MDGA2: variants seen among roughly 807,000 people sequenced by gnomAD.
MDGA2 encodes the protein MAM domain containing glycosylphosphatidylinositol anchor 2.
In MDGA2, 40 loss-of-function variants were observed where a neutral mutation model predicts 117.8. The observed-to-expected ratio is 0.34, with a 90% CI of 0.26 to 0.44. MDGA2 has a LOEUF of 0.44. MDGA2 is among the 20% of genes least tolerant of loss of function. The pLI is 1.00. For missense variants in MDGA2, 1,123 were observed against 1,250.6 expected, an observed-to-expected ratio of 0.90 and a Z score of 1.54; for synonymous variants, 452 against 439.0, an observed-to-expected ratio of 1.03 and a Z score of -0.37.
At chr14:47,465,681 C>G (rs1407680190) in intron 1 of MDGA2, among the ~76,000 whole-genome samples, 1 of 152,074 alleles carries the variant, frequency 6.6e-6, no homozygotes, top group African/African-American at 2.4e-5. Flanking sequence ...CAAAAAATAA[C>G]AGACGCTGGC....
At chr14:46,909,287 C>T (rs1226603426) in intron 10 of MDGA2, among the ~76,000 whole-genome samples, 1 of 152,030 alleles carries the variant, frequency 6.6e-6, no homozygotes, top group Non-Finnish European at 1.5e-5. Flanking sequence ...TATATTCAAT[C>T]AAATATTGCT....
chr14:47,620,735 A>G (rs1164634), intron 1 of MDGA2, among the ~76,000 whole-genome samples: 151,563 of 152,296 alleles, frequency 1, 75,422 homozygotes, highest in East Asian at 1. Flanking sequence ...AGGGAAGAAG[A>G]GAGAAATTGA....
chr14:47,522,912 G>GC (rs772356336), intron 1 of MDGA2, among the ~76,000 whole-genome samples: 1 of 152,144 alleles, frequency 6.6e-6, no homozygotes, highest in Non-Finnish European at 1.5e-5. Flanking sequence ...GAAATAATGT[G>GC]TCACGAATTG....
intron 1 of MDGA2, among the ~76,000 whole-genome samples, chr14:47,410,662 C>G (rs1195550444): frequency 6.6e-6 from 1 of 152,056 alleles, no homozygotes; most frequent in Non-Finnish European, 1.5e-5. Flanking sequence ...CAGAGAACAA[C>G]AACTTTTCAA....
At chr14:47,573,530 A>G (rs1351360233) in intron 1 of MDGA2, among the ~76,000 whole-genome samples, 1 of 152,184 alleles carries the variant, frequency 6.6e-6, no homozygotes, top group Non-Finnish European at 1.5e-5. Context: ...CTAATAGAAA[A>G]CAAATCTTTC....
At chr14:47,144,899 C>T (rs1019860310) in intron 3 of MDGA2, among the ~76,000 whole-genome samples, 2 of 150,882 alleles carry the variant, frequency 1.3e-5, no homozygotes, top group Middle Eastern at 3.2e-3. Context: ...ATCCTCCCAC[C>T]TCAGTCTCCC....
chr14:47,520,710 A>G (rs1894851673), intron 1 of MDGA2, among the ~76,000 whole-genome samples: 1 of 152,170 alleles, frequency 6.6e-6, no homozygotes, highest in Non-Finnish European at 1.5e-5. Flanking sequence ...GTTTTAAATT[A>G]AGCACTTGAC....
intron 1 of MDGA2, among the ~76,000 whole-genome samples, chr14:47,439,792 G>A (rs1227401342): frequency 6.8e-6 from 1 of 147,718 alleles, no homozygotes; most frequent in Non-Finnish European, 1.5e-5. Context: ...ACCTAAGAGT[G>A]GGCCAGGACA....
chr14:47,340,954 G>A (rs1234070535), intron 1 of MDGA2, among the ~76,000 whole-genome samples: 1 of 152,106 alleles, frequency 6.6e-6, no homozygotes, highest in African/African-American at 2.4e-5. Context: ...CAACACTTAA[G>A]AGAATATTGA....
chr14:46,937,687 A>G (rs1033271143), intron 9 of MDGA2, among the ~76,000 whole-genome samples: 1 of 152,180 alleles, frequency 6.6e-6, no homozygotes, highest in African/African-American at 2.4e-5. Context: ...AGGTGCCAAG[A>G]ACATTCCTTT....
intron 10 of MDGA2, among the ~76,000 whole-genome samples, chr14:46,904,911 G>A (rs923347493): frequency 3.9e-5 from 6 of 152,112 alleles, no homozygotes; most frequent in African/African-American, 1.4e-4. Flanking sequence ...GCTACCTCCA[G>A]TTTCTGAAGT....
intron 1 of MDGA2, among the ~76,000 whole-genome samples, chr14:47,320,327 A>G (rs1392163190): frequency 1.3e-5 from 2 of 152,140 alleles, no homozygotes; most frequent in African/African-American, 4.8e-5. Flanking sequence ...GGCTGCAGTG[A>G]GCTACGATCG....
At chr14:47,628,335 C>T (rs187159559) in intron 1 of MDGA2, among the ~76,000 whole-genome samples, 6 of 152,304 alleles carry the variant, frequency 3.9e-5, no homozygotes, top group East Asian at 3.9e-4. Context: ...GCCTCTACAT[C>T]CTCCATAAGT....
chr14:47,544,863 T>C (rs1895428198), intron 1 of MDGA2, among the ~76,000 whole-genome samples: 1 of 152,188 alleles, frequency 6.6e-6, no homozygotes, highest in African/African-American at 2.4e-5. Context: ...CCCAGAACCC[T>C]TTAGATCACC....
intron 3 of MDGA2, among the ~76,000 whole-genome samples, chr14:47,153,450 C>T (rs1883238972): frequency 6.6e-6 from 1 of 152,066 alleles, no homozygotes; most frequent in Non-Finnish European, 1.5e-5. Context: ...AGAACTTCAC[C>T]TGGCTGTGGG....
At chr14:47,133,638 A>T (rs1340279086) in intron 4 of MDGA2, among the ~76,000 whole-genome samples, 1 of 151,982 alleles carries the variant, frequency 6.6e-6, no homozygotes, top group African/African-American at 2.4e-5. Context: ...ACACATAACA[A>T]ATGTTTGTCA....
chr14:47,107,872 T>G (rs1880808367), intron 5 of MDGA2, among the ~76,000 whole-genome samples: 1 of 151,578 alleles, frequency 6.6e-6, no homozygotes, highest in African/African-American at 2.4e-5. Context: ...GCCCTCAAAA[T>G]AAGTAGAGGC....
intron 1 of MDGA2, among the ~76,000 whole-genome samples, chr14:47,578,455 T>C (rs1243528724): frequency 2.0e-5 from 3 of 151,984 alleles, no homozygotes; most frequent in Non-Finnish European, 4.4e-5. Flanking sequence ...TTGAGCAAAA[T>C]GATGTCCCAA....
chr14:46,943,154 G>T (rs529008443), intron 9 of MDGA2, among the ~76,000 whole-genome samples: 1 of 151,748 alleles, frequency 6.6e-6, no homozygotes, highest in Non-Finnish European at 1.5e-5. Context: ...TTTAACTCTC[G>T]TAATTACTCT....
Sources: gnomAD v4.1 joint callset for allele counts (sites outside exome capture counted in the v4.1 genomes callset) on GRCh38, gnomAD v4.1.1 for gene constraint, MANE v1.5 for transcripts, NCBI Gene and HGNC (gene_info 2026-07-23, HGNC 2026-07-21) for gene names.